FAM124A: variants seen among roughly 807,000 people sequenced by gnomAD.
FAM124A encodes the protein family with sequence similarity 124 member A.
FAM124A carries 23 observed loss-of-function variants against 24.5 expected under a neutral mutation model. That is an observed-to-expected ratio of 0.94 (90% confidence interval 0.68 to 1.33). FAM124A has a LOEUF of 1.33. Ranked by LOEUF, FAM124A falls within the 40% of genes most tolerant of loss-of-function variation. FAM124A has a pLI of 0.00. For synonymous variants in FAM124A, 287 were observed against 314.7 expected (o/e 0.91, Z 0.93); for missense variants, 623 against 722.8 (o/e 0.86, Z 1.58).
Position 51,251,347 on chromosome 13 carries a change from A to G in FAM124A, c.101-121A>G. ...GGGATCAGAAAATCACAGGTCATGG[A>G]GTCAGTTCAGTTAGAATTTGACTTC... On this transcript the variant is annotated intron_variant, in intron 2 of 3. Transcript: ENST00000322475. The surrounding 1 kb of genome is among the most constrained non-coding windows in gnomAD (Gnocchi z 5.3). 2 of 1,277,410 alleles carry G rather than the reference A, an allele frequency of 1.6e-6. No individual in the cohort carries two copies. Among genetic ancestry groups the G allele is most frequent in the Non-Finnish European group, 2.1e-6 (2 of 970,120 alleles). 79.1% of individuals were successfully genotyped at this position (1,277,410 alleles called of 1,614,324 possible).
At chr13:51,261,441 A>G (rs562860069) in intron 3 of FAM124A, among the ~76,000 whole-genome samples, 8 of 151,782 alleles carry the variant, frequency 5.3e-5, no homozygotes, top group African/African-American at 1.9e-4. Flanking sequence ...CACCCCCAGA[A>G]AATAATTTCT....
intron 1 of FAM124A, among the ~76,000 whole-genome samples, chr13:51,228,173 T>G (rs1229348092): frequency 6.6e-6 from 1 of 152,048 alleles, no homozygotes; most frequent in Admixed American, 6.6e-5. Flanking sequence ...GCCATGATTT[T>G]CCTGGAAAAT....
intron 2 of FAM124A, among the ~76,000 whole-genome samples, chr13:51,248,228 C>T (rs1954584268): frequency 6.6e-6 from 1 of 152,178 alleles, no homozygotes; most frequent in African/African-American, 2.4e-5. Flanking sequence ...CCTTCTTCCT[C>T]TATTTCCTAT....
At chr13:51,245,483 T>C in intron 2 of FAM124A, 1 of 489,830 alleles carries the variant, frequency 2.0e-6, no homozygotes, top group South Asian at 3.4e-5. Flanking sequence ...CTTGCTTATC[T>C]ACATCTACAG....
intron 1 of FAM124A, among the ~76,000 whole-genome samples, chr13:51,224,043 G>A (rs1280039212): frequency 6.6e-6 from 1 of 152,150 alleles, no homozygotes; most frequent in African/African-American, 2.4e-5. Flanking sequence ...GGGTGACATC[G>A]CCCCAGGATC....
At chr13:51,244,548 G>T (rs946090801) in intron 2 of FAM124A, among the ~76,000 whole-genome samples, 2 of 152,202 alleles carry the variant, frequency 1.3e-5, no homozygotes, top group African/African-American at 4.8e-5. Context: ...CCTGAGACTT[G>T]TCCAGGAAGT....
Position 51,251,600 on chromosome 13 carries a change from T to C in FAM124A, c.233T>C (p.Leu78Pro), listed in dbSNP as rs756705676. Residue 78 changes from leucine to proline, a missense_variant, in exon 3 of 4, where the codon CTG (leucine) becomes CCG (proline). By Grantham distance (98) the Leu-to-Pro change is moderately conservative. Transcript: ENST00000322475. This position sits in a 1 kb window ranked among gnomAD's most constrained non-coding sequence, Gnocchi z 5.3. Reference protein sequence around the residue: ...VLAWIHPDLPLFRVSERRASR... With the variant: ...VLAWIHPDLPPFRVSERRASR... ...GCGTGGATCCACCCCGACCTCCCGCTGTTCCGGGTGTCCGAGAGGCGGGCG... is the reference window on the plus strand; with the variant it reads ...GCGTGGATCCACCCCGACCTCCCGCCGTTCCGGGTGTCCGAGAGGCGGGCG... The C allele has an allele frequency of 7.6e-6, 12 of 1,570,994 alleles. No homozygotes were observed. The South Asian group carries it at 1.3e-4, about 17-fold the overall frequency.
intron 3 of FAM124A, among the ~76,000 whole-genome samples, chr13:51,267,083 C>T (rs1172169907): frequency 6.6e-6 from 1 of 152,184 alleles, no homozygotes; most frequent in East Asian, 1.9e-4. Flanking sequence ...TGGGTTCAAC[C>T]TGCTTTTTAA....
At chr13:51,274,043 T>TATCA (rs1365620064) in intron 3 of FAM124A, among the ~76,000 whole-genome samples, 7 of 152,264 alleles carry the variant, frequency 4.6e-5, no homozygotes, top group Admixed American at 4.6e-4. Flanking sequence ...TTACAGATTC[T>TATCA]ATCATTAGAT....
At chr13:51,250,342 G>A (rs1237208213) in intron 2 of FAM124A, among the ~76,000 whole-genome samples, 1 of 152,102 alleles carries the variant, frequency 6.6e-6, no homozygotes, top group African/African-American at 2.4e-5. Context: ...TAGATTCTAG[G>A]TGAATCTAGC....
At chr13:51,226,534 A>G (rs1954317174) in intron 1 of FAM124A, among the ~76,000 whole-genome samples, 1 of 152,196 alleles carries the variant, frequency 6.6e-6, no homozygotes, top group Admixed American at 6.5e-5. Context: ...ACGTATTTAA[A>G]TAAATAACAA....
At position 51,258,963 on chromosome 13, in the gene FAM124A, G is replaced by C. The variant is rs543282857; in HGVS notation, c.834+6762G>C. Among the ~76,000 whole-genome samples, 1 of 152,310 alleles carries C rather than the reference G, an allele frequency of 6.6e-6. No homozygotes were observed. Among genetic ancestry groups the C allele is most frequent in the African/African-American group, 2.4e-5 (1 of 41,562 alleles). On this transcript the variant is annotated intron_variant, in intron 3 of 3. Transcript: ENST00000322475. This position sits in a 1 kb window ranked among gnomAD's most constrained non-coding sequence, Gnocchi z 4.2. ...ACTGGGGAGCCCCAGGGAGCAGAAG[G>C]CACAATGGCCTGGGCAGGACGGGGC... is the stretch of plus-strand genomic sequence containing the variant.
chr13:51,231,964 A>G (rs564336580), intron 2 of FAM124A, among the ~76,000 whole-genome samples: 1 of 152,322 alleles, frequency 6.6e-6, no homozygotes, highest in Admixed American at 6.5e-5. Context: ...ACGTATGCAC[A>G]TTGATATACA....
chr13:51,249,896 A>T (rs1954600786), intron 2 of FAM124A, among the ~76,000 whole-genome samples: 1 of 152,256 alleles, frequency 6.6e-6, no homozygotes, highest in South Asian at 2.1e-4. Flanking sequence ...CTCAGGGAGC[A>T]TATCATGCAA....
chr13:51,271,545 GC>G (rs1025137075), intron 3 of FAM124A, among the ~76,000 whole-genome samples: 5 of 152,092 alleles, frequency 3.3e-5, no homozygotes, highest in African/African-American at 9.7e-5. Flanking sequence ...CACCTGAGGA[GC>G]TTTTCAACTG....
chr13:51,270,307 A>ATTG (rs1954828047), intron 3 of FAM124A, among the ~76,000 whole-genome samples: 1 of 152,174 alleles, frequency 6.6e-6, no homozygotes, highest in Non-Finnish European at 1.5e-5. Flanking sequence ...CTTGCATCCC[A>ATTG]TCTTGTCTCT....
Position 51,250,564 on chromosome 13 carries a change from A to G in FAM124A, c.101-904A>G, listed in dbSNP as rs560723248. 1.4e-4 allele frequency among the ~76,000 whole-genome samples: 21 copies of G among 152,278 alleles called. No homozygotes were observed. The South Asian group carries it at 3.1e-3, about 23-fold the overall frequency. ...CAGTCAACTTCATGCTTGGAATTCA[A>G]CAGTTTCAGGTGTTCCGCCAGAGAT... On this transcript the variant is annotated intron_variant, in intron 2 of 3. Transcript: ENST00000322475.
intron 2 of FAM124A, among the ~76,000 whole-genome samples, chr13:51,236,254 G>A (rs930068799): frequency 6.6e-6 from 1 of 152,194 alleles, no homozygotes; most frequent in Non-Finnish European, 1.5e-5. Flanking sequence ...AGCCGTTATA[G>A]CTGGTCTAGA....
At chr13:51,230,308 A>AT (rs1316244151) in intron 1 of FAM124A, among the ~76,000 whole-genome samples, 1 of 152,172 alleles carries the variant, frequency 6.6e-6, no homozygotes, top group South Asian at 2.1e-4. Context: ...GCTGCTTATG[A>AT]TTTTTTTAAA....
Sources: allele counts gnomAD v4.1 joint callset (sites outside exome capture counted in the v4.1 genomes callset), GRCh38; gene constraint gnomAD v4.1.1; non-coding constraint Gnocchi (gnomAD v3.1); transcripts MANE v1.5; gene names NCBI Gene and HGNC (gene_info 2026-07-23, HGNC 2026-07-21).